Variants in RGS17 observed in about 807,000 individuals in gnomAD.
RGS17 encodes regulator of G-protein signaling 17.
RGS17 carries 12 observed loss-of-function variants against 25.5 expected under a neutral mutation model. The observed-to-expected ratio is 0.47, with a 90% CI of 0.30 to 0.76. The LOEUF is 0.76. RGS17 is among the 30% of genes least tolerant of loss of function. The pLI is 0.07. For synonymous variants in RGS17, 71 were observed against 76.9 expected, an observed-to-expected ratio of 0.92 and a Z score of 0.40; for missense variants, 196 against 242.2, an observed-to-expected ratio of 0.81 and a Z score of 1.27.
At chr6:153,054,083 CA>C (rs1776515433) in intron 1 of RGS17, among the ~76,000 whole-genome samples, 1 of 18,048 alleles carries the variant, frequency 5.5e-5, no homozygotes, top group Non-Finnish European at 9.8e-5. Context: ...TATATACACA[CA>C]ATATTTTTTA....
chr6:153,128,234 A>G (rs1777731070), intron 1 of RGS17, among the ~76,000 whole-genome samples: 1 of 152,248 alleles, frequency 6.6e-6, no homozygotes, highest in Admixed American at 6.5e-5. Context: ...TAACTATACC[A>G]ATCAGGTGAA....
intron 2 of RGS17, among the ~76,000 whole-genome samples, chr6:153,040,892 G>T (rs1240669448): frequency 6.6e-6 from 1 of 151,724 alleles, no homozygotes; most frequent in African/African-American, 2.4e-5. Context: ...AGTGGCTCAT[G>T]GCTGTAAATC....
chr6:153,088,883 T>C (rs1206986536), intron 1 of RGS17, among the ~76,000 whole-genome samples: 1 of 152,178 alleles, frequency 6.6e-6, no homozygotes, highest in Non-Finnish European at 1.5e-5. Flanking sequence ...GATTCAGTAC[T>C]TTGGCCTAGG....
At chr6:153,012,200 T>C (rs1779141438) in intron 4 of RGS17, among the ~76,000 whole-genome samples, 1 of 152,154 alleles carries the variant, frequency 6.6e-6, no homozygotes, top group Non-Finnish European at 1.5e-5. Context: ...TTAACATGCA[T>C]ATAAAATGCC....
intron 4 of RGS17, among the ~76,000 whole-genome samples, chr6:153,019,671 G>A (rs1779220008): frequency 6.6e-6 from 1 of 152,118 alleles, no homozygotes; most frequent in African/African-American, 2.4e-5. Context: ...CCCATGTGAT[G>A]TACTTGATCT....
At chr6:153,040,033 T>C (rs185378280) in intron 2 of RGS17, among the ~76,000 whole-genome samples, 1 of 152,342 alleles carries the variant, frequency 6.6e-6, no homozygotes, top group East Asian at 1.9e-4. Context: ...CCTAGCTTGG[T>C]CCCATGAATA....
At chr6:153,094,382 A>G (rs569631859) in intron 1 of RGS17, among the ~76,000 whole-genome samples, 169 of 152,282 alleles carry the variant, frequency 1.1e-3, no homozygotes, top group Non-Finnish European at 2.1e-3. Flanking sequence ...TCAGTGGCCT[A>G]CTGAACTCTT....
At chr6:153,071,040 T>A (rs946301345) in intron 1 of RGS17, among the ~76,000 whole-genome samples, 3 of 150,218 alleles carry the variant, frequency 2.0e-5, no homozygotes, top group Non-Finnish European at 4.4e-5. Context: ...TATATACGTA[T>A]ATGTACATGT....
rs1776499489 is a variant in RGS17 at position 153,053,948 on chromosome 6, ATATACATATATATTATATAC to A, written c.-25-9925_-25-9906del. Among the ~76,000 whole-genome samples the A allele has an allele frequency of 3.5e-5, 2 of 56,774 alleles. 1 individual carries two copies. The highest frequency in any genetic ancestry group is 5.5e-5 in the Non-Finnish European group (2 of 36,256). 37.2% of individuals were successfully genotyped at this position (56,774 alleles called of 152,430 possible). On this transcript the variant is annotated intron_variant, in intron 1 of 4. Coordinates refer to ENST00000206262, the MANE Select transcript of RGS17 (RefSeq NM_012419.5). The stretch of plus-strand genomic sequence containing the variant: ...ATGTATATATATGTATATATAATAT[ATATACATATATATTATATAC>A]ATATATATGTATATATGTATATAAT...
chr6:153,108,950 GT>G (rs1370561010), intron 1 of RGS17, among the ~76,000 whole-genome samples: 1 of 151,962 alleles, frequency 6.6e-6, no homozygotes, highest in East Asian at 2.0e-4. Context: ...ATTTTTGTCT[GT>G]TTTGTTCCCT....
At chr6:153,085,739 A>T (rs1395647132) in intron 1 of RGS17, among the ~76,000 whole-genome samples, 1 of 152,188 alleles carries the variant, frequency 6.6e-6, no homozygotes, top group East Asian at 1.9e-4. Flanking sequence ...TCATAGCTAC[A>T]TTTCCTTCAT....
chr6:153,111,812 G>A (rs1696460801), intron 1 of RGS17, among the ~76,000 whole-genome samples: 1 of 152,182 alleles, frequency 6.6e-6, no homozygotes, highest in African/African-American at 2.4e-5. Flanking sequence ...GGTCTGGAGT[G>A]GACCTCCTGT....
chr6:153,037,524 C>T (rs1776265297), intron 2 of RGS17, among the ~76,000 whole-genome samples: 1 of 151,662 alleles, frequency 6.6e-6, no homozygotes, highest in Non-Finnish European at 1.5e-5. Context: ...CCCCCAGGTT[C>T]AAGCGATTCT....
At chr6:153,019,899 T>C (rs972627647) in intron 4 of RGS17, among the ~76,000 whole-genome samples, 2 of 151,856 alleles carry the variant, frequency 1.3e-5, no homozygotes, top group African/African-American at 2.4e-5. Context: ...AAATCTGCAA[T>C]GTGGAGCAAG....
chr6:153,091,948 A>G (rs1034448356), intron 1 of RGS17, among the ~76,000 whole-genome samples: 4 of 152,356 alleles, frequency 2.6e-5, no homozygotes, highest in African/African-American at 9.6e-5. Context: ...ACATCTTTAG[A>G]TCAAGCCACG....
chr6:153,114,738 A>C (rs893265115), intron 1 of RGS17, among the ~76,000 whole-genome samples: 6 of 152,222 alleles, frequency 3.9e-5, no homozygotes, highest in African/African-American at 1.4e-4. Flanking sequence ...ACCATGATCA[A>C]GACAGCTTCA....
chr6:153,057,986 T>G (rs939381819), intron 1 of RGS17, among the ~76,000 whole-genome samples: 8 of 152,184 alleles, frequency 5.3e-5, no homozygotes, highest in African/African-American at 7.2e-5. Flanking sequence ...CACAGACCAA[T>G]ACCTGTCCAT....
chr6:153,045,691 C>G (rs552263924), intron 1 of RGS17, among the ~76,000 whole-genome samples: 30 of 152,310 alleles, frequency 2.0e-4, no homozygotes, highest in African/African-American at 7.2e-4. Context: ...AACAGACAAC[C>G]AACTCAACAA....
chr6:153,105,217 T>C (rs1777361582), intron 1 of RGS17, among the ~76,000 whole-genome samples: 1 of 152,012 alleles, frequency 6.6e-6, no homozygotes, highest in Admixed American at 6.6e-5. Context: ...CCCAAATACG[T>C]CTACTTCATC....
Sources: allele counts gnomAD v4.1 joint callset (sites outside exome capture counted in the v4.1 genomes callset), GRCh38; gene constraint gnomAD v4.1.1; transcripts MANE v1.5; gene names NCBI Gene and HGNC (gene_info 2026-07-23, HGNC 2026-07-21).